Variants in SHISA9 observed in about 807,000 individuals in gnomAD.
SHISA9 encodes protein shisa-9.
A neutral mutation model predicts 38.0 loss-of-function variants in SHISA9; 13 were observed. The observed-to-expected ratio is 0.34, with a 90% confidence interval of 0.22 to 0.54. The LOEUF (loss-of-function observed/expected upper bound fraction) is 0.54. Among genes scored for constraint, SHISA9 ranks in the 20% least tolerant of loss-of-function variants. The pLI, the probability that SHISA9 is intolerant of heterozygous loss-of-function variation, is 0.91. For synonymous variants in SHISA9, 275 were observed against 242.0 expected (o/e 1.14, Z -1.27); for missense variants, 538 against 575.8 (o/e 0.93, Z 0.67).
At chr16:13,415,174 A>G in the SHISA9 span, among the ~76,000 whole-genome samples, 1 of 152,206 alleles carries the variant, frequency 6.6e-6, no homozygotes, top group Non-Finnish European at 1.5e-5. Context: ...TTAAATATGT[A>G]AGGAGGCAGC....
the SHISA9 span, among the ~76,000 whole-genome samples, chr16:13,250,772 ACC>A: frequency 6.6e-6 from 1 of 151,964 alleles, no homozygotes; most frequent in Non-Finnish European, 1.5e-5. Flanking sequence ...GTTGGCTGGA[ACC>A]CATTCAGCCA....
chr16:13,321,833 A>C, the SHISA9 span, among the ~76,000 whole-genome samples: 10 of 152,208 alleles, frequency 6.6e-5, no homozygotes, highest in Non-Finnish European at 1.3e-4. Context: ...TTAATATCTA[A>C]TGTGATCTTT....
intron 2 of SHISA9, among the ~76,000 whole-genome samples, chr16:13,095,949 G>A (rs117341413): frequency 9.1e-4 from 139 of 152,270 alleles, no homozygotes; most frequent in Non-Finnish European, 1.7e-3. Flanking sequence ...TCCAGTTGTA[G>A]TAAGTTCCCA....
At chr16:13,021,569 C>T (rs1470179596) in intron 2 of SHISA9, among the ~76,000 whole-genome samples, 3 of 152,144 alleles carry the variant, frequency 2.0e-5, no homozygotes, top group African/African-American at 7.2e-5. Flanking sequence ...ATCAGATGAA[C>T]AACATCTCTT....
chr16:12,983,436 A>G (rs1437391247), intron 2 of SHISA9, among the ~76,000 whole-genome samples: 1 of 152,214 alleles, frequency 6.6e-6, no homozygotes, highest in Non-Finnish European at 1.5e-5. Context: ...TCCAACACAT[A>G]GTAGGGACTC....
chr16:13,544,010 A>T, the SHISA9 span, among the ~76,000 whole-genome samples: 1 of 152,092 alleles, frequency 6.6e-6, no homozygotes, highest in Non-Finnish European at 1.5e-5. Context: ...ACGTGCCTAA[A>T]ATTTTACAGG....
intron 2 of SHISA9, among the ~76,000 whole-genome samples, chr16:12,921,028 A>T (rs2071321417): frequency 6.6e-6 from 1 of 152,232 alleles, no homozygotes; most frequent in Non-Finnish European, 1.5e-5. Context: ...AAACAACTAC[A>T]TAAAATTACT....
chr16:13,073,460 C>A (rs2073542840), intron 2 of SHISA9, among the ~76,000 whole-genome samples: 2 of 152,058 alleles, frequency 1.3e-5, no homozygotes, highest in African/African-American at 4.8e-5. Flanking sequence ...CACGTGGGGT[C>A]CCTGGACTAG....
the SHISA9 span, among the ~76,000 whole-genome samples, chr16:13,487,006 C>T: frequency 1.3e-5 from 2 of 152,202 alleles, no homozygotes; most frequent in South Asian, 2.1e-4. Flanking sequence ...ACTCAGCCCA[C>T]TTCTTTCCCT....
chr16:13,553,059 C>A, the SHISA9 span, among the ~76,000 whole-genome samples: 1 of 152,064 alleles, frequency 6.6e-6, no homozygotes, highest in East Asian at 1.9e-4. Flanking sequence ...ATTGTGACAA[C>A]AAAAAATGTC....
the SHISA9 span, among the ~76,000 whole-genome samples, chr16:13,538,512 T>G: frequency 6.6e-6 from 1 of 152,304 alleles, no homozygotes; most frequent in Non-Finnish European, 1.5e-5. Context: ...GGAAAATGGA[T>G]TTTAAACTTT....
At chr16:13,078,922 G>A (rs1417577705) in intron 2 of SHISA9, among the ~76,000 whole-genome samples, 1 of 152,206 alleles carries the variant, frequency 6.6e-6, no homozygotes, top group Non-Finnish European at 1.5e-5. Flanking sequence ...CGTAAAAGGG[G>A]AGGGCATGTC....
At chr16:13,097,278 T>C (rs2073837278) in intron 2 of SHISA9, among the ~76,000 whole-genome samples, 2 of 152,150 alleles carry the variant, frequency 1.3e-5, no homozygotes, top group African/African-American at 2.4e-5. Context: ...AGGGAGTTGA[T>C]GTTAGATCTG....
At chr16:13,034,233 C>T (rs1421511583) in intron 2 of SHISA9, among the ~76,000 whole-genome samples, 1 of 151,850 alleles carries the variant, frequency 6.6e-6, no homozygotes, top group Non-Finnish European at 1.5e-5. Context: ...CCTTGGACTC[C>T]AGCTCATTTA....
rs2074068805 is a variant in SHISA9 at position 13,119,926 on chromosome 16, T to A, written c.692-83468T>A. Reference sequence around the variant, plus strand: ...TCAATAACAGCAAAGATGTACAGTTTTTTAGAAGAGGAGTGGTGGATGATC... The same window carrying A: ...TCAATAACAGCAAAGATGTACAGTTATTTAGAAGAGGAGTGGTGGATGATC... On this transcript the variant is annotated intron_variant, in intron 2 of 4. Coordinates refer to ENST00000558583, the MANE Select transcript of SHISA9 (RefSeq NM_001145204.3). Among the ~76,000 whole-genome samples the A allele has an allele frequency of 2.0e-5, 3 of 152,134 alleles. No homozygotes were observed. The South Asian group carries it at 6.2e-4, about 32-fold the overall frequency.
intron 4 of SHISA9, among the ~76,000 whole-genome samples, chr16:13,232,863 A>G (rs1030267353): frequency 2.6e-5 from 4 of 152,218 alleles, no homozygotes; most frequent in African/African-American, 9.6e-5. Flanking sequence ...CTTAGAGACA[A>G]TAGAAGACAA....
the SHISA9 span, among the ~76,000 whole-genome samples, chr16:13,521,385 A>T: frequency 6.6e-6 from 1 of 152,284 alleles, no homozygotes; most frequent in East Asian, 1.9e-4. Flanking sequence ...CCTATACTTT[A>T]TACAGTACAC....
chr16:12,918,782 C>G (rs1285727769), intron 2 of SHISA9, among the ~76,000 whole-genome samples: 1 of 152,132 alleles, frequency 6.6e-6, no homozygotes, highest in East Asian at 1.9e-4. Context: ...GGGGAGAATT[C>G]TAGAAGTCAT....
the SHISA9 span, among the ~76,000 whole-genome samples, chr16:13,291,063 C>G: frequency 6.6e-6 from 1 of 152,150 alleles, no homozygotes; most frequent in African/African-American, 2.4e-5. Context: ...CTGGCACCAA[C>G]TTGCTATAGG....
Sources: gnomAD v4.1 joint callset for allele counts (sites outside exome capture counted in the v4.1 genomes callset) on GRCh38, gnomAD v4.1.1 for gene constraint, MANE v1.5 for transcripts, NCBI Gene and HGNC (gene_info 2026-07-23, HGNC 2026-07-21) for gene names.